Variants in ISY1 observed in about 807,000 individuals in gnomAD.
ISY1 encodes pre-mRNA-splicing factor ISY1 homolog.
Under a neutral mutation model 54.4 loss-of-function variants are expected in ISY1, and 12 were observed. That is an observed-to-expected ratio of 0.22 (90% CI 0.14 to 0.36). The LOEUF (loss-of-function observed/expected upper bound fraction) is 0.36. ISY1 is among the 10% of genes least tolerant of loss of function. The pLI is 1.00. For missense variants in ISY1, 282 were observed against 342.2 expected, an observed-to-expected ratio of 0.82 and a Z score of 1.39; for synonymous variants, 96 against 117.9, an observed-to-expected ratio of 0.81 and a Z score of 1.20.
chr3:129,144,942 G>A (rs1198133979), intron 6 of ISY1, among the ~76,000 whole-genome samples: 4 of 152,104 alleles, frequency 2.6e-5, no homozygotes, highest in African/African-American at 7.2e-5. Flanking sequence ...ACAGCATCTT[G>A]CTCTGGCACC....
chr3:129,137,416 T>A (rs918565723), intron 7 of ISY1, among the ~76,000 whole-genome samples: 8 of 152,120 alleles, frequency 5.3e-5, no homozygotes, highest in South Asian at 2.1e-4. Context: ...AAAATAAATT[T>A]AAAAACCCAA....
intron 6 of ISY1, among the ~76,000 whole-genome samples, chr3:129,143,160 C>T (rs1039826631): frequency 2.0e-5 from 3 of 151,816 alleles, no homozygotes; most frequent in Non-Finnish European, 4.4e-5. Context: ...CTGCAGTGAG[C>T]CATGATCGTG....
intron 7 of ISY1, 148 bp from the exon 8 acceptor site, chr3:129,135,102 G>C (rs554205776): frequency 1.8e-6 from 2 of 1,112,744 alleles, no homozygotes; most frequent in Non-Finnish European, 2.4e-6. Flanking sequence ...TAATCCTAGC[G>C]CTTTGGGAGG....
intron 7 of ISY1, among the ~76,000 whole-genome samples, chr3:129,139,100 A>AT (rs1406389373): frequency 1.3e-5 from 2 of 150,990 alleles, no homozygotes; most frequent in African/African-American, 2.4e-5. Flanking sequence ...TGCCCAGCTA[A>AT]TTTTTTTTGT....
rs185140432 is a variant in ISY1, at chr3:129,150,395, C to T, written c.188-4522G>A. On this transcript the variant is annotated intron_variant, in intron 5 of 10. Coordinates refer to ENST00000393295, the MANE Select transcript of ISY1 (RefSeq NM_020701.4). ...GCATCCTAGTTTTCAGCATACAGAT[C>T]CTGACTGTATTTTGTTAGATTTATA... is the stretch of plus-strand genomic sequence containing the variant. Among the ~76,000 whole-genome samples, 861 of 152,292 alleles carry T rather than the reference C, an allele frequency of 5.7e-3. 2 individuals are homozygous for T. Among genetic ancestry groups the T allele is most frequent in the African/African-American group, 0.015 (612 of 41,548 alleles).
intron 8 of ISY1, 70 bp from the exon 9 acceptor site, chr3:129,134,265 G>A: frequency 6.2e-7 from 1 of 1,604,374 alleles, no homozygotes; most frequent in South Asian, 1.1e-5. Flanking sequence ...GCAGGGAAAG[G>A]CCAACACTAT....
intron 7 of ISY1, among the ~76,000 whole-genome samples, chr3:129,138,479 CA>C (rs1301632584): frequency 6.9e-5 from 10 of 144,294 alleles, no homozygotes; most frequent in East Asian, 2.0e-4. Flanking sequence ...ACTAAAAATA[CA>C]AAAAAAAAAT....
intron 5 of ISY1, among the ~76,000 whole-genome samples, chr3:129,148,859 A>G (rs1322382916): frequency 6.6e-6 from 1 of 152,088 alleles, no homozygotes; most frequent in Non-Finnish European, 1.5e-5. Flanking sequence ...GTGAGCCACC[A>G]TGCCCACCCT....
chr3:129,138,987 C>T (rs59125462), intron 7 of ISY1, among the ~76,000 whole-genome samples: 20 of 151,538 alleles, frequency 1.3e-4, no homozygotes, highest in Admixed American at 8.6e-4. Context: ...CAGGCTGGAG[C>T]GCAGTGGGAC....
At position 129,156,885 on chromosome 3, in the gene ISY1, T is replaced by A; in HGVS notation, c.114A>T (p.Glu38Asp). 3 of 1,614,072 alleles carry A rather than the reference T, an allele frequency of 1.9e-6. No individual in the cohort carries two copies. Among genetic ancestry groups the A allele is most frequent in the Non-Finnish European group, 2.5e-6 (3 of 1,179,976 alleles). Residue 38 changes from glutamate to aspartate, a missense_variant, in exon 4 of 11, where the codon GAA (glutamate) becomes GAT (aspartate). Glu to Asp is a conservative substitution (Grantham distance 45). Around this residue, in one of 2 missense-constraint regions of ISY1, gnomAD observed 279 missense variants for 323.6 expected, o/e 0.86. Transcript: ENST00000393295. ...RRPFLASECT[E>D]LPKAEKWRRQ... ...GTCTCCACTTCTCAGCTTTAGGCAG[T>A]TCAGTACATTCTGAGGCCAGAAAGG...
chr3:129,145,512 C>T (rs1936740963), intron 6 of ISY1, among the ~76,000 whole-genome samples: 1 of 152,098 alleles, frequency 6.6e-6, no homozygotes, highest in African/African-American at 2.4e-5. Context: ...AGTGAGCTAC[C>T]ATGCCCGGGC....
chr3:129,159,004 A>G, intron 2 of ISY1, 150 bp downstream of exon 2: 1 of 1,032,920 alleles, frequency 9.7e-7, no homozygotes, highest in Non-Finnish European at 1.4e-6. Flanking sequence ...AAAAACAGGA[A>G]TGTTTTTGCA....
At chr3:129,130,867 G>A (rs1486503484) in intron 9 of ISY1, among the ~76,000 whole-genome samples, 1 of 152,192 alleles carries the variant, frequency 6.6e-6, no homozygotes, top group African/African-American at 2.4e-5. Flanking sequence ...ATTACTGACG[G>A]CAGTGAGACC....
intron 9 of ISY1, among the ~76,000 whole-genome samples, chr3:129,133,550 C>T (rs1352914838): frequency 6.6e-6 from 1 of 152,166 alleles, no homozygotes; most frequent in Non-Finnish European, 1.5e-5. Context: ...AAAAATTAGC[C>T]ATGCGTGGTG....
chr3:129,156,162 G>A (rs1250825460), intron 5 of ISY1, among the ~76,000 whole-genome samples: 4 of 152,040 alleles, frequency 2.6e-5, no homozygotes, highest in Non-Finnish European at 5.9e-5. Flanking sequence ...ACTTTGGGAG[G>A]CTGAGGCGGG....
chr3:129,131,344 C>G (rs1936234150), intron 9 of ISY1, among the ~76,000 whole-genome samples: 1 of 152,178 alleles, frequency 6.6e-6, no homozygotes, highest in Non-Finnish European at 1.5e-5. Flanking sequence ...TCCCAGCAAC[C>G]CTATCTGCCA....
intron 7 of ISY1, among the ~76,000 whole-genome samples, chr3:129,135,920 T>C (rs910963423): frequency 6.6e-6 from 1 of 152,268 alleles, no homozygotes; most frequent in African/African-American, 2.4e-5. Context: ...CTGCAGCCCC[T>C]GTAATGCTAT....
intron 8 of ISY1, 69 bp from the exon 9 acceptor site, chr3:129,134,264 G>A: frequency 6.2e-7 from 1 of 1,605,126 alleles, no homozygotes; most frequent in Non-Finnish European, 8.5e-7. Context: ...TGCAGGGAAA[G>A]GCCAACACTA....
chr3:129,153,180 T>C (rs1937028851), intron 5 of ISY1, among the ~76,000 whole-genome samples: 1 of 152,046 alleles, frequency 6.6e-6, no homozygotes, highest in Non-Finnish European at 1.5e-5. Context: ...TGGCTAATTT[T>C]TGTATTTTTC....
Sources: allele counts gnomAD v4.1 joint callset (sites outside exome capture counted in the v4.1 genomes callset), GRCh38; gene constraint gnomAD v4.1.1; regional missense constraint gnomAD v4.1.1; transcripts MANE v1.5; gene names NCBI Gene and HGNC (gene_info 2026-07-23, HGNC 2026-07-21).